CNTN4: variants seen among roughly 807,000 people sequenced by gnomAD.
CNTN4 encodes contactin-4.
A neutral mutation model predicts 122.5 loss-of-function variants in CNTN4; 77 were observed. The ratio of observed to expected loss-of-function variants is 0.63; its 90% CI spans 0.52 to 0.76. The LOEUF is 0.76. Among genes scored for constraint, CNTN4 ranks in the 30% least tolerant of loss-of-function variants. The probability of loss-of-function intolerance (pLI) is 0.00; values close to 1 mark genes in which losing one functional copy is unlikely to be tolerated. For missense variants in CNTN4, 1,256 were observed against 1,259.1 expected (o/e 1.00, Z 0.04); for synonymous variants, 512 against 447.0 (o/e 1.15, Z -1.83).
intron 3 of CNTN4, among the ~76,000 whole-genome samples, chr3:2,416,067 A>C (rs2047399754): frequency 6.6e-6 from 1 of 152,180 alleles, no homozygotes; most frequent in Admixed American, 6.5e-5. Context: ...GAGACATATA[A>C]GATACTAGTG....
intron 13 of CNTN4, among the ~76,000 whole-genome samples, chr3:2,987,272 T>C (rs1694666200): frequency 6.6e-6 from 1 of 152,176 alleles, no homozygotes; most frequent in Non-Finnish European, 1.5e-5. Flanking sequence ...CTAGATCCAT[T>C]AGGCTTCATA....
Position 2,994,389 on chromosome 3 carries a change from TAGAAA to T in CNTN4, c.1486+5922_1486+5926del, listed in dbSNP as rs571244318. On this transcript the variant is annotated intron_variant, in intron 14 of 24. Transcript: ENST00000418658. ...AAATTTATACTTTAAGTAGCTTTAATAGAAAAGAAGTCTTTAGTGGAAATTGACTA... is the reference window on the plus strand; with the variant it reads ...AAATTTATACTTTAAGTAGCTTTAATAGAAGTCTTTAGTGGAAATTGACTA... 2.9e-3 allele frequency among the ~76,000 whole-genome samples: 443 copies of T among 152,164 alleles called. 2 individuals are homozygous for T. The highest frequency in any genetic ancestry group is 5.8e-3 in the Non-Finnish European group (393 of 67,996).
chr3:2,584,778 T>C (rs1289743079), intron 4 of CNTN4, among the ~76,000 whole-genome samples: 2 of 150,378 alleles, frequency 1.3e-5, no homozygotes, highest in Admixed American at 1.3e-4. Context: ...ATTGTTTGCA[T>C]TTAAGGGGAA....
At chr3:2,678,679 G>C (rs2085003633) in intron 4 of CNTN4, among the ~76,000 whole-genome samples, 1 of 152,138 alleles carries the variant, frequency 6.6e-6, no homozygotes, top group African/African-American at 2.4e-5. Flanking sequence ...TTGCATGGTT[G>C]GTTTATCAGA....
intron 6 of CNTN4, among the ~76,000 whole-genome samples, chr3:2,772,042 C>G (rs554043998): frequency 5.9e-5 from 9 of 151,964 alleles, no homozygotes; most frequent in Non-Finnish European, 1.3e-4. Context: ...GAGTGGGAGG[C>G]TACAAGGGGA....
At chr3:2,613,072 A>G (rs1476491280) in intron 4 of CNTN4, among the ~76,000 whole-genome samples, 1 of 152,150 alleles carries the variant, frequency 6.6e-6, no homozygotes, top group African/African-American at 2.4e-5. Context: ...TCAGTGGTGC[A>G]ATACATCATC....
intron 4 of CNTN4, among the ~76,000 whole-genome samples, chr3:2,691,151 A>G (rs1452647799): frequency 6.6e-6 from 1 of 152,160 alleles, no homozygotes; most frequent in Non-Finnish European, 1.5e-5. Context: ...TTACCCCGGC[A>G]TATCTCAGTT....
chr3:2,138,614 C>T (rs533103318), intron 2 of CNTN4, among the ~76,000 whole-genome samples: 3 of 152,088 alleles, frequency 2.0e-5, no homozygotes, highest in Non-Finnish European at 2.9e-5. Context: ...ACAAAAATAC[C>T]GAAGGGGAAA....
At chr3:2,297,504 G>A (rs1032212388) in intron 2 of CNTN4, among the ~76,000 whole-genome samples, 1 of 152,116 alleles carries the variant, frequency 6.6e-6, no homozygotes, top group South Asian at 2.1e-4. Flanking sequence ...ATGCTGACCT[G>A]CCTATATAAA....
rs149339957 is a variant in CNTN4 at position 2,613,873 on chromosome 3, T to C, written c.55+42315T>C. On this transcript the variant is annotated intron_variant, in intron 4 of 24. Transcript: ENST00000418658. ...GCATTGAGTTTCTTTCTGTTCCACATTGAATAAACCTCACCAAATCTATCC... is the reference window on the plus strand; with the variant it reads ...GCATTGAGTTTCTTTCTGTTCCACACTGAATAAACCTCACCAAATCTATCC... 9.0e-4 allele frequency among the ~76,000 whole-genome samples: 137 copies of C among 152,262 alleles called. 2 individuals are homozygous for C. The highest frequency in any genetic ancestry group is 3.2e-3 in the African/African-American group (133 of 41,562).
At chr3:2,601,871 G>A (rs2081061867) in intron 4 of CNTN4, among the ~76,000 whole-genome samples, 1 of 152,070 alleles carries the variant, frequency 6.6e-6, no homozygotes, top group Non-Finnish European at 1.5e-5. Context: ...GAATCCAGCA[G>A]CACATCAAAA....
At chr3:2,959,756 T>TC (rs2094834912) in intron 13 of CNTN4, among the ~76,000 whole-genome samples, 1 of 152,116 alleles carries the variant, frequency 6.6e-6, no homozygotes, top group South Asian at 2.1e-4. Flanking sequence ...GACGTAAATT[T>TC]CCCCAAAGAC....
At chr3:2,192,901 G>A (rs1390636186) in intron 2 of CNTN4, among the ~76,000 whole-genome samples, 1 of 152,174 alleles carries the variant, frequency 6.6e-6, no homozygotes, top group African/African-American at 2.4e-5. Context: ...GTGTGAGAGT[G>A]TGTATGTGTG....
At chr3:2,210,064 T>A (rs760788249) in intron 2 of CNTN4, among the ~76,000 whole-genome samples, 5 of 152,186 alleles carry the variant, frequency 3.3e-5, no homozygotes, top group Non-Finnish European at 7.3e-5. Flanking sequence ...ACAAAACTAT[T>A]TACCAAGGTG....
chr3:2,200,762 A>G (rs1381072789), intron 2 of CNTN4, among the ~76,000 whole-genome samples: 1 of 152,160 alleles, frequency 6.6e-6, no homozygotes, highest in Non-Finnish European at 1.5e-5. Flanking sequence ...AGTTCCAAAG[A>G]ATCTCTTCTC....
chr3:2,274,154 A>G (rs2041408276), intron 2 of CNTN4, among the ~76,000 whole-genome samples: 1 of 152,112 alleles, frequency 6.6e-6, no homozygotes, highest in African/African-American at 2.4e-5. Flanking sequence ...AGGCCGAGGC[A>G]GACAAATCAC....
intron 2 of CNTN4, among the ~76,000 whole-genome samples, chr3:2,107,504 C>G (rs1353041816): frequency 6.6e-6 from 1 of 152,082 alleles, no homozygotes; most frequent in East Asian, 1.9e-4. Flanking sequence ...CATTCACTAT[C>G]ACGAAAACAG....
intron 2 of CNTN4, among the ~76,000 whole-genome samples, chr3:2,279,890 T>C (rs552425817): frequency 6.4e-4 from 97 of 151,572 alleles, no homozygotes; most frequent in African/African-American, 2.1e-3. Flanking sequence ...ATATATTCCT[T>C]TATATATCTA....
chr3:2,294,682 T>A (rs1162497561), intron 2 of CNTN4, among the ~76,000 whole-genome samples: 4 of 152,182 alleles, frequency 2.6e-5, no homozygotes, highest in Non-Finnish European at 4.4e-5. Context: ...TTTCTTTTTT[T>A]AATTATTAAT....
Sources: allele counts gnomAD v4.1 joint callset (sites outside exome capture counted in the v4.1 genomes callset), GRCh38; gene constraint gnomAD v4.1.1; transcripts MANE v1.5; gene names NCBI Gene and HGNC (gene_info 2026-07-23, HGNC 2026-07-21).